Variants in ARFGEF3 observed in about 807,000 individuals in gnomAD.
ARFGEF3 encodes the protein brefeldin A-inhibited guanine nucleotide-exchange protein 3.
ARFGEF3 carries 96 observed loss-of-function variants against 221.7 expected under a neutral mutation model. That is an observed-to-expected ratio of 0.43 (90% CI 0.37 to 0.51). The LOEUF (loss-of-function observed/expected upper bound fraction) is 0.51. Ranked by LOEUF, ARFGEF3 falls within the 20% of genes least tolerant of loss-of-function variation. The pLI, the probability that ARFGEF3 is intolerant of heterozygous loss-of-function variation, is 0.00. For missense variants in ARFGEF3, 2,410 were observed against 2,789.9 expected (o/e 0.86, Z 3.07); for synonymous variants, 1,145 against 1,126.8 (o/e 1.02, Z -0.32).
intron 12 of ARFGEF3, among the ~76,000 whole-genome samples, chr6:138,266,815 C>T (rs945980922): frequency 4.7e-5 from 6 of 128,756 alleles, no homozygotes; most frequent in African/African-American, 1.5e-4. Flanking sequence ...CACCACTGCA[C>T]TCCAGCCTTG....
At chr6:138,183,923 G>A (rs536472050) in intron 2 of ARFGEF3, among the ~76,000 whole-genome samples, 25 of 152,220 alleles carry the variant, frequency 1.6e-4, no homozygotes, top group Admixed American at 2.6e-4. Flanking sequence ...GTCCACGCTG[G>A]GTCTGTCCAG....
Position 138,336,415 on chromosome 6 carries a change from G to C in ARFGEF3, c.6463G>C (p.Asp2155His). ...CISQLTCHVT[D>H]IRVRQAVREW... ...CAGTCAGCTGACCTGTCACGTGACC[G>C]ACATCAGAGTTCGCCAGGCTGTGAG... The change falls in exon 34 of 34, where the codon GAC (aspartate) becomes CAC (histidine). Residue 2155 changes from aspartate to histidine, a missense_variant. Asp to His is a moderately conservative substitution (Grantham distance 81). This residue lies in a region of ARFGEF3 where 339 missense variants were observed against 334.9 expected (regional missense o/e 1.01). Coordinates refer to ENST00000251691, the MANE Select transcript of ARFGEF3 (RefSeq NM_020340.5). 6.2e-7 allele frequency: 1 copy of C among 1,613,380 alleles called. No individual in the cohort carries two copies. The highest frequency in any genetic ancestry group is 8.5e-7 in the Non-Finnish European group (1 of 1,179,648).
chr6:138,199,822 C>T (rs754489218), intron 2 of ARFGEF3, among the ~76,000 whole-genome samples: 2 of 152,162 alleles, frequency 1.3e-5, no homozygotes, highest in Non-Finnish European at 2.9e-5. Flanking sequence ...CATCAGCAAA[C>T]AGGGACAGTT....
intron 2 of ARFGEF3, among the ~76,000 whole-genome samples, chr6:138,178,275 A>T (rs1284558398): frequency 2.0e-5 from 3 of 152,182 alleles, no homozygotes; most frequent in African/African-American, 7.2e-5. Context: ...CACATGCCAA[A>T]GCCAAGACCA....
At chr6:138,332,226 G>A (rs534201001) in intron 32 of ARFGEF3, among the ~76,000 whole-genome samples, 3 of 151,048 alleles carry the variant, frequency 2.0e-5, no homozygotes, top group Non-Finnish European at 4.4e-5. Context: ...GGGTTCAAAT[G>A]TCAGAACCAT....
chr6:138,245,781 A>G (rs1403786777), intron 8 of ARFGEF3, among the ~76,000 whole-genome samples, 190 bp downstream of exon 8: 2 of 152,202 alleles, frequency 1.3e-5, no homozygotes, highest in South Asian at 2.1e-4. Context: ...ATAACCAAAT[A>G]CCATTACTAG....
chr6:138,266,118 C>CG (rs1252805929), intron 12 of ARFGEF3, among the ~76,000 whole-genome samples: 1 of 151,936 alleles, frequency 6.6e-6, no homozygotes, highest in African/African-American at 2.4e-5. Flanking sequence ...GAGGCTGAGG[C>CG]GGGGGGATCA....
At chr6:138,308,413 C>T (rs1446257761) in intron 23 of ARFGEF3, among the ~76,000 whole-genome samples, 1 of 152,158 alleles carries the variant, frequency 6.6e-6, no homozygotes, top group Non-Finnish European at 1.5e-5. Flanking sequence ...CTAAACCTGC[C>T]CTGCTGTGCC....
At chr6:138,186,491 C>G (rs942650489) in intron 2 of ARFGEF3, among the ~76,000 whole-genome samples, 12 of 152,214 alleles carry the variant, frequency 7.9e-5, no homozygotes, top group Admixed American at 5.9e-4. Flanking sequence ...GCACAGCCAA[C>G]TAAGCAGGTC....
At chr6:138,166,312 A>G (rs1279409010) in intron 1 of ARFGEF3, among the ~76,000 whole-genome samples, 2 of 152,264 alleles carry the variant, frequency 1.3e-5, no homozygotes, top group African/African-American at 2.4e-5. Flanking sequence ...ACATAAAGAA[A>G]AAATTAAAAT....
chr6:138,274,217 A>G (rs531803246), intron 12 of ARFGEF3, among the ~76,000 whole-genome samples: 2 of 152,342 alleles, frequency 1.3e-5, no homozygotes, highest in East Asian at 3.9e-4. Context: ...TCTAAAATGA[A>G]AGCCATTTAC....
At position 138,262,687 on chromosome 6, in the gene ARFGEF3, T is replaced by A; in HGVS notation, c.1218-14T>A. 2.5e-6 allele frequency: 4 copies of A among 1,577,190 alleles called. No individual in the cohort carries two copies. Among genetic ancestry groups the A allele is most frequent in the Non-Finnish European group, 3.5e-6 (4 of 1,157,080 alleles). ...TATGCATTTATTCCATTTTCTCTTT[T>A]GAACACTGTTTAGCATCATGGATGG... On this transcript the variant is annotated splice_polypyrimidine_tract_variant and intron_variant, in intron 11 of 33. Transcript: ENST00000251691.
intron 5 of ARFGEF3, among the ~76,000 whole-genome samples, chr6:138,234,745 T>TG (rs1778254262): frequency 6.6e-6 from 1 of 152,218 alleles, no homozygotes; most frequent in Non-Finnish European, 1.5e-5. Context: ...GCTTAATCTC[T>TG]GATCCTTTCT....
chr6:138,268,212 C>T (rs746754288), intron 12 of ARFGEF3, among the ~76,000 whole-genome samples: 7 of 152,162 alleles, frequency 4.6e-5, no homozygotes, highest in Non-Finnish European at 1.0e-4. Context: ...TCCACTGAGA[C>T]AGGGAGATGG....
chr6:138,305,170 C>T (rs992698156), intron 22 of ARFGEF3, among the ~76,000 whole-genome samples: 2 of 151,766 alleles, frequency 1.3e-5, no homozygotes, highest in Non-Finnish European at 2.9e-5. Flanking sequence ...CCTACTCAAG[C>T]TCTACCAGAA....
intron 12 of ARFGEF3, among the ~76,000 whole-genome samples, chr6:138,270,343 C>T (rs557405332): frequency 1.3e-5 from 2 of 151,708 alleles, no homozygotes; most frequent in East Asian, 3.9e-4. Context: ...TTGTCTCAGA[C>T]AGAAAAGGGG....
intron 1 of ARFGEF3, among the ~76,000 whole-genome samples, chr6:138,163,337 C>T (rs1176951594): frequency 6.6e-6 from 1 of 152,118 alleles, no homozygotes; most frequent in East Asian, 1.9e-4. Context: ...AGCACTTGAC[C>T]ATTCTAGCTT....
chr6:138,284,753 A>C (rs2114625679), intron 14 of ARFGEF3, among the ~76,000 whole-genome samples: 1 of 152,326 alleles, frequency 6.6e-6, no homozygotes, highest in Non-Finnish European at 1.5e-5. Context: ...TACCTACTTT[A>C]AACATGGTCA....
chr6:138,225,883 A>G (rs976157296), intron 4 of ARFGEF3, among the ~76,000 whole-genome samples: 1 of 152,222 alleles, frequency 6.6e-6, no homozygotes, highest in African/African-American at 2.4e-5. Context: ...GTGAGAAGAC[A>G]GGCTTAAAGG....
Sources: gnomAD v4.1 joint callset for allele counts (sites outside exome capture counted in the v4.1 genomes callset) on GRCh38, gnomAD v4.1.1 for gene constraint, gnomAD v4.1.1 regional missense constraint, MANE v1.5 for transcripts, NCBI Gene and HGNC (gene_info 2026-07-23, HGNC 2026-07-21) for gene names.